Variants in YWHAZ observed in about 807,000 individuals in gnomAD.
The protein encoded by YWHAZ is 14-3-3 protein zeta/delta.
For synonymous variants in YWHAZ, 87 were observed against 103.6 expected, an observed-to-expected ratio of 0.84 and a Z score of 0.97; for missense variants, 79 against 284.8, an observed-to-expected ratio of 0.28 and a Z score of 5.20.
upstream of YWHAZ, chr8:100,952,790 G>C (rs1030368553): frequency 3.0e-6 from 3 of 996,516 alleles, no homozygotes; most frequent in Non-Finnish European, 3.6e-6. Flanking sequence ...CCCCTTCCCC[G>C]GCTGGGCCGA....
chr8:100,943,840 A>G (rs1301600576), intron 2 of YWHAZ, among the ~76,000 whole-genome samples: 3 of 152,120 alleles, frequency 2.0e-5, no homozygotes, highest in Non-Finnish European at 4.4e-5. Flanking sequence ...CAATACAATT[A>G]GCTGGGTGTG....
At chr8:100,946,423 G>A (rs926318714) in intron 2 of YWHAZ, among the ~76,000 whole-genome samples, 6 of 152,060 alleles carry the variant, frequency 3.9e-5, no homozygotes, top group Non-Finnish European at 5.9e-5. Context: ...GCTGGTGCAC[G>A]CCCAGTAATC....
At chr8:100,935,040 C>T (rs916260533) in intron 2 of YWHAZ, 1 of 152,110 alleles carries the variant, frequency 6.6e-6, no homozygotes, top group Non-Finnish European at 1.5e-5. Context: ...GTAATCCCAG[C>T]TACTCGGGAG....
intron 1 of YWHAZ, chr8:100,950,445 A>C (rs1810630835): frequency 1.0e-6 from 1 of 985,418 alleles, no homozygotes. Context: ...GAAAACGGGC[A>C]GACCCGGACT....
At chr8:100,949,628 C>T (rs893195375) in intron 1 of YWHAZ, among the ~76,000 whole-genome samples, 4 of 152,180 alleles carry the variant, frequency 2.6e-5, no homozygotes, top group Non-Finnish European at 5.9e-5. Context: ...AGTCATGACA[C>T]TTCAACTCTT....
At chr8:100,932,367 T>A (rs1813818992) in intron 2 of YWHAZ, among the ~76,000 whole-genome samples, 1 of 152,148 alleles carries the variant, frequency 6.6e-6, no homozygotes, top group African/African-American at 2.4e-5. Flanking sequence ...TCCTAATATT[T>A]AAGTAATATT....
chr8:100,930,934 C>T (rs1046654553), intron 2 of YWHAZ, among the ~76,000 whole-genome samples: 4 of 152,040 alleles, frequency 2.6e-5, no homozygotes, highest in Non-Finnish European at 4.4e-5. Context: ...CACAAGAAGC[C>T]GGTATCTAAT....
chr8:100,950,335 A>G lies in YWHAZ; in HGVS notation c.-11-1435T>C, dbSNP rs573372771. The G allele has an allele frequency of 9.2e-5, 90 of 976,446 alleles. No homozygotes were observed. In the African/African-American group the frequency reaches 1.5e-3, roughly 16 times the overall value. 60.5% of individuals were successfully genotyped at this position (976,446 alleles called of 1,614,324 possible). On this transcript the variant is annotated intron_variant, in intron 1 of 5. Transcript: ENST00000395958. ...AGAGGAAGTGGATAAGGTTTCTCACACAGTAACGAGTGCTCCAAGGCCTCG... is the reference window on the plus strand; with the variant it reads ...AGAGGAAGTGGATAAGGTTTCTCACGCAGTAACGAGTGCTCCAAGGCCTCG...
At chr8:100,925,462 T>A (rs1014349406) in intron 2 of YWHAZ, among the ~76,000 whole-genome samples, 2 of 152,164 alleles carry the variant, frequency 1.3e-5, no homozygotes, top group African/African-American at 4.8e-5. Context: ...GAGAAATGAC[T>A]AAAGCAGAAA....
chr8:100,945,367 T>A (rs1364885203), intron 2 of YWHAZ, among the ~76,000 whole-genome samples: 2 of 152,208 alleles, frequency 1.3e-5, no homozygotes, highest in East Asian at 3.8e-4. Flanking sequence ...ACTTTGGAGA[T>A]TAGCTGCTTT....
intron 2 of YWHAZ, chr8:100,947,943 T>C: frequency 1.8e-6 from 1 of 564,096 alleles, no homozygotes; most frequent in Non-Finnish European, 3.0e-6. Flanking sequence ...TTAACCAAAA[T>C]GTAGTTTAAT....
At chr8:100,944,101 C>T (rs1810090341) in intron 2 of YWHAZ, among the ~76,000 whole-genome samples, 1 of 151,818 alleles carries the variant, frequency 6.6e-6, no homozygotes, top group Non-Finnish European at 1.5e-5. Flanking sequence ...ACCATGAAGA[C>T]ATGTAAATAT....
chr8:100,948,569 A>G lies in YWHAZ; in HGVS notation c.294+27T>C. 1 of 1,605,882 alleles carries G rather than the reference A, an allele frequency of 6.2e-7. No homozygotes were observed. The highest frequency in any genetic ancestry group is 8.5e-7 in the Non-Finnish European group (1 of 1,176,580). On this transcript the variant is annotated intron_variant, in intron 2 of 5. Coordinates refer to ENST00000395958, the MANE Select transcript of YWHAZ (RefSeq NM_145690.3). The surrounding 1 kb of genome is among the most constrained non-coding windows in gnomAD (Gnocchi z 4.2). ...ATACTCATAGGGACCCTACAGTATA[A>G]TGAAGCCAGACTGAATTGATTCTCA...
chr8:100,920,675 C>G lies in YWHAZ; in HGVS notation c.*18G>C. 6.3e-7 allele frequency: 1 copy of G among 1,596,528 alleles called. No individual in the cohort carries two copies. On this transcript the variant is annotated 3_prime_UTR_variant, in exon 6 of 6. Transcript: ENST00000395958. ...TGTGTAAATTTTAGAATGAGGCAGA[C>G]AAAAGTTGGAAGGCCGGTTAATTTT...
intron 1 of YWHAZ, chr8:100,951,177 A>G: frequency 1.0e-6 from 1 of 984,296 alleles, no homozygotes; most frequent in Non-Finnish European, 1.2e-6. Context: ...CCCCACCCCA[A>G]AACCTCACCC....
intron 2 of YWHAZ, among the ~76,000 whole-genome samples, chr8:100,939,945 C>T (rs147207858): frequency 6.6e-6 from 1 of 151,712 alleles, no homozygotes; most frequent in Non-Finnish European, 1.5e-5. Flanking sequence ...ATGGTGTGAA[C>T]CTGGAAGGCG....
chr8:100,936,548 G>A (rs1047026615), intron 2 of YWHAZ, among the ~76,000 whole-genome samples: 1 of 152,136 alleles, frequency 6.6e-6, no homozygotes, highest in Middle Eastern at 3.2e-3. Flanking sequence ...GGGCACGGTG[G>A]CTCACTCCTT....
At chr8:100,952,218 G>A (rs1810848090), upstream of YWHAZ, 6 of 933,752 alleles carry the variant, frequency 6.4e-6, no homozygotes, top group Non-Finnish European at 7.7e-6. Flanking sequence ...CGCGCTGGAG[G>A]GCGAGCGGAG....
rs918611082 is a variant in YWHAZ at position 100,951,402 on chromosome 8, G to C, written c.-12+527C>G. 4.1e-4 allele frequency: 398 copies of C among 982,212 alleles called. 2 individuals are homozygous for C. The highest frequency in any genetic ancestry group is 4.0e-3 in the Admixed American group (65 of 16,214). The allele number at this position is 982,212 out of a possible 1,614,324, so 60.8% of individuals were successfully genotyped here. ...GCAGCGCCCAGCGCGGAGGCTGCGC[G>C]AGGGGGAGGGAAAGGAGGGGGCGGC... On this transcript the variant is annotated intron_variant, in intron 1 of 5. Coordinates refer to ENST00000395958, the MANE Select transcript of YWHAZ (RefSeq NM_145690.3).
Sources: gnomAD v4.1 joint callset for allele counts (sites outside exome capture counted in the v4.1 genomes callset) on GRCh38, gnomAD v4.1.1 for gene constraint, Gnocchi (gnomAD v3.1) non-coding constraint, MANE v1.5 for transcripts, NCBI Gene and HGNC (gene_info 2026-07-23, HGNC 2026-07-21) for gene names.